The following VIT variants were observed in gnomAD, a reference collection of about 807,000 sequenced individuals.
VIT encodes vitrin.
In VIT, 99 loss-of-function variants were observed where a neutral mutation model predicts 78.0. That is an observed-to-expected ratio of 1.27 (90% confidence interval 1.08 to 1.50). The LOEUF is 1.50. VIT is among the 40% of genes most tolerant of loss of function. VIT has a pLI of 0.00. For missense variants in VIT, 1,126 were observed against 875.3 expected (o/e 1.29, Z -3.61); for synonymous variants, 374 against 334.3 (o/e 1.12, Z -1.29).
At chr2:36,698,366 A>G (rs532629099) in intron 1 of VIT, among the ~76,000 whole-genome samples, 1 of 152,344 alleles carries the variant, frequency 6.6e-6, no homozygotes, top group South Asian at 2.1e-4. Flanking sequence ...GAGAAAATAC[A>G]TGAGGTTTGA....
At chr2:36,749,894 G>C (rs1024331675) in intron 4 of VIT, among the ~76,000 whole-genome samples, 1 of 152,186 alleles carries the variant, frequency 6.6e-6, no homozygotes, top group Admixed American at 6.5e-5. Context: ...TGTCTAGTTA[G>C]TAGACTCTCT....
chr2:36,732,418 A>G (rs980392703), intron 3 of VIT, among the ~76,000 whole-genome samples: 1 of 152,176 alleles, frequency 6.6e-6, no homozygotes, highest in Non-Finnish European at 1.5e-5. Flanking sequence ...TTAAATAGGG[A>G]AAAAAAGATA....
At chr2:36,785,442 C>T (rs762394705) in intron 11 of VIT, among the ~76,000 whole-genome samples, 3 of 152,232 alleles carry the variant, frequency 2.0e-5, no homozygotes, top group Non-Finnish European at 4.4e-5. Flanking sequence ...GAATCCACAA[C>T]ATGATAAGCT....
At chr2:36,779,444 T>C (rs1463980654) in intron 9 of VIT, among the ~76,000 whole-genome samples, 1 of 152,208 alleles carries the variant, frequency 6.6e-6, no homozygotes, top group Admixed American at 6.5e-5. Context: ...TCAGAACCAA[T>C]ATACCTTTGT....
chr2:36,807,061 C>T (rs1362787193), intron 14 of VIT, among the ~76,000 whole-genome samples: 1 of 152,224 alleles, frequency 6.6e-6, no homozygotes, highest in East Asian at 1.9e-4. Context: ...CAGAACTCCT[C>T]ATCAGCTCCC....
At chr2:36,806,013 C>G (rs1010225477) in intron 14 of VIT, among the ~76,000 whole-genome samples, 5 of 152,058 alleles carry the variant, frequency 3.3e-5, no homozygotes, top group Admixed American at 6.6e-5. Flanking sequence ...CACACACACA[C>G]GCACACACAC....
At chr2:36,726,189 G>A (rs1403238536) in intron 2 of VIT, among the ~76,000 whole-genome samples, 1 of 152,032 alleles carries the variant, frequency 6.6e-6, no homozygotes, top group African/African-American at 2.4e-5. Flanking sequence ...ATGGATCGAT[G>A]CAAAGATTAC....
intron 1 of VIT, among the ~76,000 whole-genome samples, chr2:36,701,118 G>A (rs1228213106): frequency 3.0e-5 from 4 of 132,362 alleles, no homozygotes; most frequent in Non-Finnish European, 6.6e-5. Flanking sequence ...AAAAAAAAAT[G>A]TACCTCCTTG....
intron 7 of VIT, 54 bp from the exon 8 acceptor site, chr2:36,773,736 AT>A (rs1669893095): frequency 7.2e-7 from 1 of 1,381,890 alleles, no homozygotes; most frequent in African/African-American, 1.5e-5. Flanking sequence ...AAATAAATAA[AT>A]TAATTAATTA....
At chr2:36,753,822 T>G (rs1368881687) in intron 4 of VIT, among the ~76,000 whole-genome samples, 2 of 151,982 alleles carry the variant, frequency 1.3e-5, no homozygotes, top group Non-Finnish European at 2.9e-5. Context: ...CTTAGGGAGG[T>G]GCCTGTGCTT....
At chr2:36,737,416 T>C (rs190690093) in intron 3 of VIT, among the ~76,000 whole-genome samples, 2 of 152,324 alleles carry the variant, frequency 1.3e-5, no homozygotes, top group East Asian at 3.9e-4. Context: ...GCAGGAAATT[T>C]ACATGAGGAA....
chr2:36,718,995 G>C (rs886367928), intron 2 of VIT, among the ~76,000 whole-genome samples: 2 of 152,116 alleles, frequency 1.3e-5, no homozygotes, highest in African/African-American at 4.8e-5. Context: ...TTAGGAATAG[G>C]GTTTAGTCGA....
intron 12 of VIT, among the ~76,000 whole-genome samples, chr2:36,797,426 G>C (rs1312190305): frequency 6.6e-6 from 1 of 152,192 alleles, no homozygotes; most frequent in Non-Finnish European, 1.5e-5. Flanking sequence ...AGAAATGTGA[G>C]AGATATTTAG....
chr2:36,793,407 C>T lies in VIT; in HGVS notation c.1058+6131C>T, dbSNP rs189956565. On this transcript the variant is annotated intron_variant, in intron 12 of 15. Coordinates refer to ENST00000379242, the MANE Select transcript of VIT (RefSeq NM_053276.4). ...AAGACCAGTTCCCATTCATCGAGGGCTAGTTGTGCAAAGTCCCTGAGCAGA... is the reference window on the plus strand; with the variant it reads ...AAGACCAGTTCCCATTCATCGAGGGTTAGTTGTGCAAAGTCCCTGAGCAGA... Among the ~76,000 whole-genome samples the T allele has an allele frequency of 6.6e-5, 10 of 152,304 alleles. No homozygotes were observed. In the East Asian group the frequency reaches 1.9e-3, roughly 29 times the overall value.
chr2:36,766,271 G>C (rs1434476079), intron 6 of VIT, among the ~76,000 whole-genome samples: 1 of 152,206 alleles, frequency 6.6e-6, no homozygotes, highest in Non-Finnish European at 1.5e-5. Context: ...GCTTGCACCT[G>C]TCATCCCAGA....
At position 36,696,753 on chromosome 2, in the gene VIT, T is replaced by C. The variant is rs1381815845; in HGVS notation, c.-239T>C. 6.6e-6 allele frequency: 1 copy of C among 150,974 alleles called. No individual in the cohort carries two copies. Among genetic ancestry groups the C allele is most frequent in the African/African-American group, 2.4e-5 (1 of 40,928 alleles). 9.4% of individuals were successfully genotyped at this position (150,974 alleles called of 1,614,324 possible). A position where few individuals can be genotyped will look rare whatever the true frequency, so the allele number is the denominator to read the frequency against. On this transcript the variant is annotated 5_prime_UTR_variant, in exon 1 of 16. Transcript: ENST00000379242. ...GAGCATGTGTGTGTGTGTATGTGTG[T>C]GGGGGGGGGTGTAAAATGTGTTTTT...
intron 2 of VIT, among the ~76,000 whole-genome samples, chr2:36,720,951 A>G (rs2148461617): frequency 6.6e-6 from 1 of 152,214 alleles, no homozygotes; most frequent in East Asian, 1.9e-4. Context: ...CAGAGCTCGC[A>G]GTGAGCTGAG....
chr2:36,777,499 G>A (rs1670146341), intron 9 of VIT, among the ~76,000 whole-genome samples: 1 of 152,162 alleles, frequency 6.6e-6, no homozygotes, highest in Non-Finnish European at 1.5e-5. Flanking sequence ...TGCCAGGGTA[G>A]TGTGCCAGGC....
intron 6 of VIT, among the ~76,000 whole-genome samples, chr2:36,764,649 T>C (rs2148578226): frequency 6.6e-6 from 1 of 152,296 alleles, no homozygotes; most frequent in Non-Finnish European, 1.5e-5. Context: ...AGCTAATGCC[T>C]GCAAGAGCAG....
Sources: allele counts gnomAD v4.1 joint callset (sites outside exome capture counted in the v4.1 genomes callset), GRCh38; gene constraint gnomAD v4.1.1; transcripts MANE v1.5; gene names NCBI Gene and HGNC (gene_info 2026-07-23, HGNC 2026-07-21).